Variants in RAD51B observed in about 807,000 individuals in gnomAD.
The protein encoded by RAD51B is DNA repair protein RAD51 homolog 2.
Under a neutral mutation model 42.2 loss-of-function variants are expected in RAD51B, and 38 were observed. The ratio of observed to expected loss-of-function variants is 0.90; its 90% CI spans 0.70 to 1.18. RAD51B has a LOEUF of 1.18. Ranked by LOEUF, RAD51B falls within the 50% of genes most tolerant of loss-of-function variation. The pLI, the probability that RAD51B is intolerant of heterozygous loss-of-function variation, is 0.00. For synonymous variants in RAD51B, 154 were observed against 145.2 expected (o/e 1.06, Z -0.43); for missense variants, 373 against 400.7 (o/e 0.93, Z 0.59).
At chr14:68,614,386 A>C (rs1891782720), downstream of RAD51B, among the ~76,000 whole-genome samples, 1 of 152,164 alleles carries the variant, frequency 6.6e-6, no homozygotes, top group Admixed American at 6.5e-5. Context: ...CATAAAATTC[A>C]CCCTCTTAAA....
intron 8 of RAD51B, among the ~76,000 whole-genome samples, chr14:68,373,702 G>C (rs1051959621): frequency 2.6e-5 from 4 of 152,124 alleles, no homozygotes; most frequent in African/African-American, 9.7e-5. Flanking sequence ...GGGTTGATGG[G>C]TGCAGCAAAC....
Position 68,673,773 on chromosome 14 carries a change from GTACACA to G in RAD51B, c.*11+22927_*11+22932del, listed in dbSNP as rs1893233437. Among the ~76,000 whole-genome samples, 7 of 141,814 alleles carry G rather than the reference GTACACA, an allele frequency of 4.9e-5. No individual in the cohort carries two copies. The South Asian group carries it at 1.6e-3, about 32-fold the overall frequency. 93.0% of individuals were successfully genotyped at this position (141,814 alleles called of 152,430 possible). Reference sequence around the variant, plus strand: ...CACACATATATATACATCCACACACGTACACATACACATACTATATGCACACATATA... The same window carrying G: ...CACACATATATATACATCCACACACGTACACATACTATATGCACACATATA... On this transcript the variant is annotated intron_variant, in intron 11 of 11. Coordinates refer to the RAD51B transcript ENST00000488612.
intron 10 of RAD51B, among the ~76,000 whole-genome samples, chr14:68,498,053 G>C (rs1884663832): frequency 6.6e-6 from 1 of 152,138 alleles, no homozygotes; most frequent in African/African-American, 2.4e-5. Context: ...TTGACATATG[G>C]TGATTCTATG....
At chr14:67,935,281 T>C (rs1171541937) in intron 7 of RAD51B, among the ~76,000 whole-genome samples, 2 of 152,168 alleles carry the variant, frequency 1.3e-5, no homozygotes, top group African/African-American at 4.8e-5. Context: ...GTGTAAGATA[T>C]GGTGCACTTT....
intron 7 of RAD51B, among the ~76,000 whole-genome samples, chr14:67,899,196 CCA>C (rs2043524895): frequency 1.3e-5 from 2 of 151,896 alleles, no homozygotes; most frequent in African/African-American, 4.8e-5. Context: ...GCACCCGCCA[CCA>C]CGCCCGGCTA....
chr14:68,180,868 G>C (rs2079049802), intron 7 of RAD51B, among the ~76,000 whole-genome samples: 1 of 152,208 alleles, frequency 6.6e-6, no homozygotes, highest in African/African-American at 2.4e-5. Flanking sequence ...GCTGTGGCAA[G>C]GTTAGAGCCT....
At chr14:68,558,599 G>A (rs1888981756) in intron 10 of RAD51B, among the ~76,000 whole-genome samples, 1 of 152,130 alleles carries the variant, frequency 6.6e-6, no homozygotes, top group African/African-American at 2.4e-5. Flanking sequence ...CGTCACTGCT[G>A]TCATCTTCAC....
chr14:67,926,813 C>T (rs1302979335), intron 7 of RAD51B, among the ~76,000 whole-genome samples: 1 of 152,034 alleles, frequency 6.6e-6, no homozygotes, highest in African/African-American at 2.4e-5. Flanking sequence ...CTGCCTGCCT[C>T]GGCCTCCCAG....
At chr14:68,585,970 T>G (rs75031303) in intron 10 of RAD51B, among the ~76,000 whole-genome samples, 2,814 of 152,292 alleles carry the variant, frequency 0.018, 32 homozygotes, top group Non-Finnish European at 0.026. Flanking sequence ...ACGGCTCATC[T>G]GCTGCAGATC....
chr14:67,965,479 A>G (rs1192947182), intron 7 of RAD51B, among the ~76,000 whole-genome samples: 1 of 152,120 alleles, frequency 6.6e-6, no homozygotes, highest in Non-Finnish European at 1.5e-5. Context: ...TTCTTTAAAG[A>G]CAGTTCTAAT....
intron 7 of RAD51B, among the ~76,000 whole-genome samples, chr14:67,944,200 GA>G (rs2045307985): frequency 1.5e-5 from 2 of 130,510 alleles, no homozygotes; most frequent in South Asian, 2.4e-4. Context: ...AAGAAGTAAA[GA>G]TTTTTTTTTT....
At chr14:68,423,853 C>T (rs1308146046) in intron 9 of RAD51B, among the ~76,000 whole-genome samples, 2 of 152,162 alleles carry the variant, frequency 1.3e-5, no homozygotes, top group Non-Finnish European at 2.9e-5. Context: ...CTGTGTGGCT[C>T]TGTGTGGCAA....
intron 8 of RAD51B, among the ~76,000 whole-genome samples, chr14:68,343,677 A>T (rs936838497): frequency 7.2e-5 from 11 of 152,266 alleles, no homozygotes; most frequent in African/African-American, 2.7e-4. Flanking sequence ...TTTCCAAGAC[A>T]ATGGGGAAAA....
chr14:68,057,100 A>C (rs113047117), intron 7 of RAD51B, among the ~76,000 whole-genome samples: 4,636 of 152,138 alleles, frequency 0.03, 256 homozygotes, highest in African/African-American at 0.11. Context: ...AAAAAAAAAA[A>C]AAACAAAGGA....
chr14:67,937,599 A>C (rs949004492), intron 7 of RAD51B, among the ~76,000 whole-genome samples: 15 of 152,184 alleles, frequency 9.9e-5, no homozygotes, highest in African/African-American at 3.6e-4. Flanking sequence ...CAGGTAGAGA[A>C]AATGAAGTGT....
chr14:68,283,513 A>T (rs2081359243), intron 7 of RAD51B, among the ~76,000 whole-genome samples: 1 of 152,206 alleles, frequency 6.6e-6, no homozygotes, highest in African/African-American at 2.4e-5. Flanking sequence ...CAGTTGGCGA[A>T]TACACCACTG....
intron 11 of RAD51B, among the ~76,000 whole-genome samples, chr14:68,681,228 G>A (rs951188652): frequency 2.6e-5 from 4 of 152,272 alleles, no homozygotes; most frequent in African/African-American, 9.6e-5. Context: ...TTTTTGAATT[G>A]TGGAGACTGA....
At chr14:67,994,965 C>G (rs2140298935) in intron 7 of RAD51B, among the ~76,000 whole-genome samples, 1 of 152,256 alleles carries the variant, frequency 6.6e-6, no homozygotes, top group East Asian at 1.9e-4. Context: ...ACATATACAA[C>G]ACGATGACCT....
At chr14:68,410,820 C>T (rs1422308336) in intron 8 of RAD51B, among the ~76,000 whole-genome samples, 1 of 152,140 alleles carries the variant, frequency 6.6e-6, no homozygotes, top group Non-Finnish European at 1.5e-5. Context: ...ACTTCAGACC[C>T]TCTTCCTTAT....
Sources: gnomAD v4.1 joint callset for allele counts (sites outside exome capture counted in the v4.1 genomes callset) on GRCh38, gnomAD v4.1.1 for gene constraint, MANE v1.5 for transcripts, NCBI Gene and HGNC (gene_info 2026-07-23, HGNC 2026-07-21) for gene names.